Variants in ZNF574 observed in about 807,000 individuals in gnomAD.
The protein encoded by ZNF574 is zinc finger protein 574.
A neutral mutation model predicts 56.6 loss-of-function variants in ZNF574; 25 were observed. The observed-to-expected ratio is 0.44, with a 90% CI of 0.32 to 0.62. The LOEUF is 0.62. ZNF574 is among the 20% of genes least tolerant of loss of function. The pLI, the probability that ZNF574 is intolerant of heterozygous loss-of-function variation, is 0.04. For synonymous variants in ZNF574, 543 were observed against 492.1 expected (o/e 1.10, Z -1.37); for missense variants, 1,065 against 1,218.9 (o/e 0.87, Z 1.88).
rs139706157 is a variant in ZNF574 at position 42,079,634 on chromosome 19, G to A, written c.1028G>A (p.Arg343His). The A allele has an allele frequency of 6.2e-6, 10 of 1,614,012 alleles. No individual in the cohort carries two copies. Among genetic ancestry groups the A allele is most frequent in the South Asian group, 1.1e-5 (1 of 91,088 alleles). ...GTCTTTAAGTGCCCCCTGTGCAGTC[G>A]TGTCTTCCCTAGCCCTTCCAGTCTG... ...EGVFKCPLCS[R>H]VFPSPSSLDQ... The change falls in exon 2 of 2, where the codon CGT becomes CAT. Residue 343 changes from arginine to histidine, a missense_variant. By Grantham distance (29) the Arg-to-His change is conservative (BLOSUM62 0). Transcript: ENST00000359044. The surrounding 1 kb of genome is among the most constrained non-coding windows in gnomAD (Gnocchi z 4.3).
At chr19:42,078,530 G>T in intron 1 of ZNF574, 57 bp from the exon 2 acceptor site, 2 of 1,458,456 alleles carry the variant, frequency 1.4e-6, no homozygotes, top group Non-Finnish European at 9.4e-7. Context: ...AGTGATGAAG[G>T]GAAGAGCTGA....
rs553107510 is a variant in ZNF574, at chr19:42,078,763, G to T, written c.157G>T (p.Gly53Ter). ...TGAGCTGGTGGGCGTGGCTGATCCC[G>T]GAGTCACTGTGGCCACAGACACAGC... ...HFELVGVADP[G>*]VTVATDTASG... The change falls in exon 2 of 2, where the codon GGA becomes TGA. Residue 53 changes from glycine to a stop codon, truncating the protein, a stop_gained. Coordinates refer to ENST00000359044, the MANE Select transcript of ZNF574 (RefSeq NM_022752.6). LOFTEE classifies it high-confidence loss of function. The T allele has an allele frequency of 6.2e-7, 1 of 1,613,946 alleles. No individual in the cohort carries two copies. Among genetic ancestry groups the T allele is most frequent in the Non-Finnish European group, 8.5e-7 (1 of 1,179,980 alleles).
upstream of ZNF574, among the ~76,000 whole-genome samples, chr19:42,073,504 T>C (rs934390912): frequency 2.2e-4 from 32 of 145,528 alleles, no homozygotes; most frequent in Admixed American, 8.9e-4. Flanking sequence ...CTGGGCAACA[T>C]AGTGAGACCC....
At chr19:42,076,048 A>G (rs1041054521), upstream of ZNF574, 2 of 152,296 alleles carry the variant, frequency 1.3e-5, no homozygotes, top group African/African-American at 2.4e-5. Flanking sequence ...CCTCAGAGAC[A>G]TGAACGTCGA....
chr19:42,072,709 G>A (rs1028886799), upstream of ZNF574, among the ~76,000 whole-genome samples: 1 of 152,144 alleles, frequency 6.6e-6, no homozygotes, highest in African/African-American at 2.4e-5. Context: ...TGGGATTACA[G>A]GCATGCACCA....
At chr19:42,071,366 C>T (rs2076419738), upstream of ZNF574, among the ~76,000 whole-genome samples, 1 of 152,070 alleles carries the variant, frequency 6.6e-6, no homozygotes, top group South Asian at 2.1e-4. Flanking sequence ...TCACCACCAC[C>T]CCCGATGCTC....
chr19:42,068,824 T>A, exon 1 of ZNF574: 1 of 644,674 alleles, frequency 1.6e-6, no homozygotes, highest in Non-Finnish European at 2.8e-6. Flanking sequence ...ATCCAGGAGA[T>A]AGAGACTGGA....
Position 42,079,110 on chromosome 19 carries a change from A to G in ZNF574, c.504A>G (p.Leu168=), listed in dbSNP as rs1336202752. 1 of 1,614,020 alleles carries G rather than the reference A, an allele frequency of 6.2e-7. No individual in the cohort carries two copies. Among genetic ancestry groups the G allele is most frequent in the Admixed American group, 1.7e-5 (1 of 60,008 alleles). ...APVVLGSPVV[L]GPPVGQARVA... ...TTGTCCTGGGGTCCCCAGTTGTTCTAGGGCCTCCTGTGGGCCAGGCCCGAG... is the reference window on the plus strand; with the variant it reads ...TTGTCCTGGGGTCCCCAGTTGTTCTGGGGCCTCCTGTGGGCCAGGCCCGAG... Residue 168 remains leucine, a synonymous_variant, in exon 2 of 2, where the codon CTA becomes CTG. Coordinates refer to ENST00000359044, the MANE Select transcript of ZNF574 (RefSeq NM_022752.6). The surrounding 1 kb of genome is among the most constrained non-coding windows in gnomAD (Gnocchi z 4.3).
rs200978497 is a variant in ZNF574 at position 42,079,224 on chromosome 19, G to A, written c.618G>A (p.Val206=). ...CCGCTGCCACCACCACTGAGGTAGTGACTGAGGTGGAGCTGCTCCTCTACA... is the reference window on the plus strand; with the variant it reads ...CCGCTGCCACCACCACTGAGGTAGTAACTGAGGTGGAGCTGCTCCTCTACA... ...PSAAATTTEV[V]TEVELLLYKC... The change falls in exon 2 of 2, where the codon GTG becomes GTA. Residue 206 remains valine (V), a synonymous_variant. Coordinates refer to ENST00000359044, the MANE Select transcript of ZNF574 (RefSeq NM_022752.6). This position sits in a 1 kb window ranked among gnomAD's most constrained non-coding sequence, Gnocchi z 4.3. 20 of 1,614,030 alleles carry A rather than the reference G, an allele frequency of 1.2e-5. No homozygotes were observed. The East Asian group carries it at 4.5e-4, about 36-fold the overall frequency.
exon 1 of ZNF574, chr19:42,068,585 G>A (rs2076374559): frequency 2.4e-6 from 1 of 409,610 alleles, no homozygotes; most frequent in African/African-American, 2.1e-5. Context: ...GCAGAGAGAG[G>A]GAGGAGGACA....
chr19:42,075,658 C>T (rs1439631885), upstream of ZNF574, among the ~76,000 whole-genome samples: 2 of 152,192 alleles, frequency 1.3e-5, no homozygotes, highest in Non-Finnish European at 2.9e-5. Flanking sequence ...TAAGTGGTTT[C>T]ACTTTCTCCC....
upstream of ZNF574, among the ~76,000 whole-genome samples, chr19:42,072,597 G>A (rs1380224211): frequency 2.1e-5 from 3 of 143,368 alleles, 1 homozygote; most frequent in Middle Eastern, 7.2e-3. Flanking sequence ...ATGGAGTTTC[G>A]CTCTTGTTGC....
At position 42,070,218 on chromosome 19, in the gene ZNF574, GGAGA is replaced by G. The variant is rs550144706; in HGVS notation, c.250+1264_250+1267del. The G allele has an allele frequency of 1.1e-4, 17 of 153,400 alleles. No homozygotes were observed. The South Asian group carries it at 3.5e-3, about 31-fold the overall frequency. 9.5% of individuals were successfully genotyped at this position (153,400 alleles called of 1,614,324 possible). A position where few individuals can be genotyped will look rare whatever the true frequency, so the allele number is the denominator to read the frequency against. Reference sequence around the variant, plus strand: ...TCCTGGAGCGCAGTGGGGTGGTTCAGGAGAGAGAGAAGAGGGAGGGAGGGAGGCA... The same window carrying G: ...TCCTGGAGCGCAGTGGGGTGGTTCAGGAGAGAAGAGGGAGGGAGGGAGGCA... On this transcript the variant is annotated intron_variant, in intron 1 of 1. Transcript: ENST00000222339.
intron 1 of ZNF574, chr19:42,068,979 TA>T (rs1223734254): frequency 1.8e-6 from 1 of 570,614 alleles, no homozygotes; most frequent in Admixed American, 3.0e-5. Flanking sequence ...AGAGCCCAAG[TA>T]AGAGCAATCA....
At chr19:42,077,607 A>G (rs114307913) in intron 1 of ZNF574, among the ~76,000 whole-genome samples, 1 of 152,174 alleles carries the variant, frequency 6.6e-6, no homozygotes, top group African/African-American at 2.4e-5. Flanking sequence ...CAATGGGAAG[A>G]GGGGATCTGG....
chr19:42,078,319 A>C (rs2076469658), intron 1 of ZNF574, among the ~76,000 whole-genome samples: 1 of 152,044 alleles, frequency 6.6e-6, no homozygotes, highest in Non-Finnish European at 1.5e-5. Context: ...GACAGGTTAC[A>C]AGGATCTGGT....
Position 42,080,074 on chromosome 19 carries a change from C to G in ZNF574, c.1468C>G (p.Arg490Gly). Residue 490 changes from arginine (R) to glycine (G), a missense_variant, in exon 2 of 2, where the codon CGG becomes GGG. Physicochemically the swap from Arg to Gly is moderately radical, Grantham distance 125 (BLOSUM62 -2). Transcript: ENST00000359044. This position sits in a 1 kb window ranked among gnomAD's most constrained non-coding sequence, Gnocchi z 8.5. The part of the protein sequence containing the change: ...QLTRHQRFVH[R>G]LERRHKCSIC... ...GACCCGGCACCAACGTTTTGTGCAT[C>G]GGCTGGAGCGGCGCCATAAATGCAG... The G allele has an allele frequency of 6.2e-7, 1 of 1,614,082 alleles. No individual in the cohort carries two copies. Among genetic ancestry groups the G allele is most frequent in the Non-Finnish European group, 8.5e-7 (1 of 1,180,032 alleles).
Position 42,080,836 on chromosome 19 carries a change from A to C in ZNF574, c.2230A>C (p.Lys744Gln). 6.2e-7 allele frequency: 1 copy of C among 1,614,034 alleles called. No individual in the cohort carries two copies. Among genetic ancestry groups the C allele is most frequent in the Non-Finnish European group, 8.5e-7 (1 of 1,180,012 alleles). The change falls in exon 2 of 2, where the codon AAG becomes CAG. Residue 744 changes from lysine (K) to glutamine (Q), a missense_variant. Transcript: ENST00000359044. This position sits in a 1 kb window ranked among gnomAD's most constrained non-coding sequence, Gnocchi z 8.5. The stretch of plus-strand genomic sequence containing the variant: ...CCGGGGTCTAGAGTGCAGCGAGTGC[A>C]AGAAGCTGTTCAGCACAGAGACGTC... ...RRRGLECSEC[K>Q]KLFSTETSLQ...
chr19:42,070,174 G>T (rs2076404565), intron 1 of ZNF574, among the ~76,000 whole-genome samples: 1 of 152,034 alleles, frequency 6.6e-6, no homozygotes, highest in Non-Finnish European at 1.5e-5. Flanking sequence ...CTGCCTGCCC[G>T]CCTGCCGCCT....
Sources: gnomAD v4.1 joint callset for allele counts (sites outside exome capture counted in the v4.1 genomes callset) on GRCh38, gnomAD v4.1.1 for gene constraint, Gnocchi (gnomAD v3.1) non-coding constraint, MANE v1.5 for transcripts, NCBI Gene and HGNC (gene_info 2026-07-23, HGNC 2026-07-21) for gene names.